The following CLDN18 variants were observed in gnomAD, a reference collection of about 807,000 sequenced individuals.
The protein encoded by CLDN18 is claudin-18.
A neutral mutation model predicts 25.0 loss-of-function variants in CLDN18; 20 were observed. The ratio of observed to expected loss-of-function variants is 0.80; its 90% CI spans 0.56 to 1.16. The LOEUF is 1.16. Ranked by LOEUF, CLDN18 falls within the 50% of genes most tolerant of loss-of-function variation. CLDN18 has a pLI of 0.00. For missense variants in CLDN18, 297 were observed against 345.4 expected (o/e 0.86, Z 1.11); for synonymous variants, 125 against 135.6 (o/e 0.92, Z 0.54).
upstream of CLDN18, among the ~76,000 whole-genome samples, chr3:138,008,821 G>A (rs1942097289): frequency 6.6e-6 from 1 of 151,974 alleles, no homozygotes; most frequent in African/African-American, 2.4e-5. Flanking sequence ...AAATACTCTG[G>A]AGGCTGAGGC....
chr3:138,029,924 C>T lies in CLDN18; in HGVS notation c.614+17C>T, dbSNP rs764298526. 40 of 1,443,976 alleles carry T rather than the reference C, an allele frequency of 2.8e-5. 1 individual carries two copies. Among genetic ancestry groups the T allele is most frequent in the Non-Finnish European group, 3.5e-5 (36 of 1,040,824 alleles). 89.4% of individuals were successfully genotyped at this position (1,443,976 alleles called of 1,614,324 possible). On this transcript the variant is annotated intron_variant, in intron 4 of 4. Coordinates refer to ENST00000183605, the MANE Select transcript of CLDN18 (RefSeq NM_016369.4). ...AGAAACCAAGTGAGTCTCCCTGTTC[C>T]GCTGCAACCAGACGTTTTATTTGTT... is the stretch of plus-strand genomic sequence containing the variant.
chr3:138,004,329 C>A (rs1221989410), intron 1 of CLDN18, among the ~76,000 whole-genome samples: 1 of 152,182 alleles, frequency 6.6e-6, no homozygotes, highest in Non-Finnish European at 1.5e-5. Context: ...AAGATTCAGA[C>A]CATACAGGCG....
chr3:138,003,234 G>A (rs1405486218), intron 1 of CLDN18, among the ~76,000 whole-genome samples: 1 of 152,080 alleles, frequency 6.6e-6, no homozygotes, highest in African/African-American at 2.4e-5. Flanking sequence ...TCCTTCCATT[G>A]CCAAATGTCC....
chr3:138,007,717 C>A (rs1201867231), upstream of CLDN18, among the ~76,000 whole-genome samples: 2 of 152,052 alleles, frequency 1.3e-5, no homozygotes, highest in African/African-American at 4.8e-5. Flanking sequence ...GATTAAAAAG[C>A]CTGCCTGTTG....
chr3:138,015,234 GC>G (rs1279696534), intron 1 of CLDN18, among the ~76,000 whole-genome samples: 1 of 152,142 alleles, frequency 6.6e-6, no homozygotes, highest in Non-Finnish European at 1.5e-5. Context: ...AAAGCTAAAG[GC>G]AACAATGCAA....
intron 1 of CLDN18, among the ~76,000 whole-genome samples, chr3:138,019,866 C>T (rs932697334): frequency 2.6e-5 from 4 of 152,102 alleles, no homozygotes; most frequent in Non-Finnish European, 2.9e-5. Context: ...TTCTTTCAGC[C>T]CTGAATCCTG....
At chr3:138,008,673 C>T (rs1168008242), upstream of CLDN18, among the ~76,000 whole-genome samples, 1 of 152,020 alleles carries the variant, frequency 6.6e-6, no homozygotes, top group Non-Finnish European at 1.5e-5. Flanking sequence ...CGCCTGTAAT[C>T]CCAGCACTTT....
rs529685225 is a variant in CLDN18, at chr3:138,023,799, C to T, written c.362C>T (p.Ser121Phe). ...GCCAAAGCCAACATGACACTGACCTCCGGGATCATGTTCATTGTCTCAGGT... is the reference window on the plus strand; with the variant it reads ...GCCAAAGCCAACATGACACTGACCTTCGGGATCATGTTCATTGTCTCAGGT... ...DSAKANMTLT[S>F]GIMFIVSGLC... The change falls in exon 2 of 5, where the codon TCC becomes TTC. Residue 121 changes from serine (S) to phenylalanine (F), a missense_variant. By Grantham distance (155) the Ser-to-Phe change is radical (BLOSUM62 -2). Coordinates refer to ENST00000183605, the MANE Select transcript of CLDN18 (RefSeq NM_016369.4). 2 of 1,613,316 alleles carry T rather than the reference C, an allele frequency of 1.2e-6. No homozygotes were observed. Among genetic ancestry groups the T allele is most frequent in the Non-Finnish European group, 1.7e-6 (2 of 1,179,542 alleles).
upstream of CLDN18, among the ~76,000 whole-genome samples, chr3:138,008,569 C>T (rs1942094157): frequency 1.3e-5 from 2 of 151,554 alleles, no homozygotes; most frequent in South Asian, 4.2e-4. Context: ...CGCCACTGCA[C>T]TCCAGCCTGG....
chr3:138,029,201 A>G (rs560639895), intron 3 of CLDN18, among the ~76,000 whole-genome samples: 2 of 152,216 alleles, frequency 1.3e-5, no homozygotes, highest in African/African-American at 4.8e-5. Context: ...GCTAGAGTGC[A>G]ATGGCACAAT....
chr3:138,029,095 C>G (rs6764000), intron 3 of CLDN18, among the ~76,000 whole-genome samples: 2 of 152,232 alleles, frequency 1.3e-5, no homozygotes, highest in East Asian at 3.9e-4. Context: ...GATGACTACT[C>G]GTTGGCCCAT....
At chr3:138,027,004 A>C (rs1942335181) in intron 3 of CLDN18, among the ~76,000 whole-genome samples, 1 of 152,212 alleles carries the variant, frequency 6.6e-6, no homozygotes, top group Admixed American at 6.5e-5. Flanking sequence ...CAGCAGGTAA[A>C]GGAAAAGGAA....
intron 1 of CLDN18, among the ~76,000 whole-genome samples, chr3:138,010,934 C>T (rs1307242610): frequency 6.6e-6 from 1 of 151,522 alleles, no homozygotes; most frequent in African/African-American, 2.4e-5. Context: ...AAGAATATTG[C>T]CATTAAATTA....
chr3:137,999,130 G>A, intron 1 of CLDN18: 1 of 1,569,768 alleles, frequency 6.4e-7, no homozygotes, highest in Admixed American at 1.7e-5. Context: ...AGAGATTGGA[G>A]GTGGAGAGGA....
At chr3:138,020,530 C>T (rs1020203466) in intron 1 of CLDN18, among the ~76,000 whole-genome samples, 3 of 152,138 alleles carry the variant, frequency 2.0e-5, no homozygotes, top group African/African-American at 4.8e-5. Context: ...CATTGATTGC[C>T]GATTCTTCTG....
In CLDN18 at chr3:138,032,294, C is replaced by A. The variant is rs6804883; in HGVS notation, c.*1153C>A. The A allele has an allele frequency of 0.77, 117,436 of 151,854 alleles. 45,508 individuals carry two copies. The highest frequency in any genetic ancestry group is 0.79 in the Non-Finnish European group (54,045 of 68,002). 9.4% of individuals were successfully genotyped at this position (151,854 alleles called of 1,614,324 possible). On this transcript the variant is annotated 3_prime_UTR_variant, in exon 5 of 5. Transcript: ENST00000183605. ...GAAAAAATCAGCCAGTCATGGTGGC[C>A]TACACCTGTAGTCCCAGCATTCCGG...
In CLDN18 at chr3:138,010,389, G is replaced by A. The variant is rs375872728; in HGVS notation, c.164G>A (p.Arg55Lys). The A allele has an allele frequency of 2.5e-5, 41 of 1,614,126 alleles. No homozygotes were observed. Among genetic ancestry groups the A allele is most frequent in the Non-Finnish European group, 3.4e-6 (4 of 1,180,048 alleles). Reference sequence around the variant, plus strand: ...GAAGGGCTCTGGAGGAGCTGCGTGAGGCAGAGTTCAGGCTTCACCGAATGC... The same window carrying A: ...GAAGGGCTCTGGAGGAGCTGCGTGAAGCAGAGTTCAGGCTTCACCGAATGC... Reference protein sequence around the residue: ...QYEGLWRSCVRQSSGFTECRP... With the variant: ...QYEGLWRSCVKQSSGFTECRP... Residue 55 changes from arginine (R) to lysine (K), a missense_variant, in exon 1 of 5, where the codon AGG becomes AAG. Transcript: ENST00000183605.
upstream of CLDN18, among the ~76,000 whole-genome samples, chr3:138,008,603 A>AAAATAAAT (rs71146114): frequency 7.8e-4 from 116 of 149,586 alleles, no homozygotes; most frequent in Middle Eastern, 3.4e-3. Flanking sequence ...ACTCCCTCTC[A>AAAATAAAT]AAATAAATAA....
At position 138,030,251 on chromosome 3, in the gene CLDN18, G is replaced by C. The variant is rs143127342; in HGVS notation, c.614+344G>C. ...TTTTAACTGTTACAATTTTGGGAGGGTGGGGGAAAGTGATACTGGCCTCTG... is the reference window on the plus strand; with the variant it reads ...TTTTAACTGTTACAATTTTGGGAGGCTGGGGGAAAGTGATACTGGCCTCTG... On this transcript the variant is annotated intron_variant, in intron 4 of 4. Transcript: ENST00000183605. Among the ~76,000 whole-genome samples, 830 of 152,356 alleles carry C rather than the reference G, an allele frequency of 5.4e-3. 8 individuals are homozygous for C. The highest frequency in any genetic ancestry group is 9.4e-3 in the Non-Finnish European group (642 of 68,032).
Sources: gnomAD v4.1 joint callset for allele counts (sites outside exome capture counted in the v4.1 genomes callset) on GRCh38, gnomAD v4.1.1 for gene constraint, MANE v1.5 for transcripts, NCBI Gene and HGNC (gene_info 2026-07-23, HGNC 2026-07-21) for gene names.